Variants in CFAP77 observed in about 807,000 individuals in gnomAD.
CFAP77 encodes cilia- and flagella-associated protein 77.
In CFAP77, 25 loss-of-function variants were observed where a neutral mutation model predicts 31.1. The observed-to-expected ratio is 0.80, with a 90% CI of 0.59 to 1.12. The LOEUF (loss-of-function observed/expected upper bound fraction) is 1.12, where lower values mean the gene tolerates loss of function less well. Among genes scored for constraint, CFAP77 ranks in the 50% most tolerant of loss-of-function variants. The probability of loss-of-function intolerance (pLI) is 0.00; values close to 1 mark genes in which losing one functional copy is unlikely to be tolerated. For synonymous variants in CFAP77, 151 were observed against 159.9 expected (o/e 0.94, Z 0.42); for missense variants, 377 against 397.3 (o/e 0.95, Z 0.44).
In CFAP77 at chr9:132,543,066, C is replaced by T. The variant is rs55720639; in HGVS notation, c.732+19C>T. The T allele has an allele frequency of 0.011, 18,340 of 1,598,736 alleles. 1,848 individuals carry two copies. The African/African-American group carries it at 0.22, about 19-fold the overall frequency. On this transcript the variant is annotated intron_variant, in intron 5 of 5. Transcript: ENST00000393216. ...CCAGAAGGTCAGTGTCACCTTCATC[C>T]ACACCCCTCCCTGCACCTTGCTGGC...
intron 1 of CFAP77, among the ~76,000 whole-genome samples, chr9:132,486,030 A>ATGTATGTGTGTGTG (rs1564223039): frequency 4.5e-5 from 1 of 22,426 alleles, no homozygotes; most frequent in African/African-American, 3.5e-4. Context: ...ATATATATAT[A>ATGTATGTGTGTGTG]TATATATATA....
intron 1 of CFAP77, among the ~76,000 whole-genome samples, chr9:132,419,257 TC>T (rs1850166321): frequency 6.6e-6 from 1 of 151,926 alleles, no homozygotes. Context: ...TGGATCGAAA[TC>T]TTTTGTGTTT....
At chr9:132,548,028 G>A (rs996643179) in intron 5 of CFAP77, among the ~76,000 whole-genome samples, 2 of 152,158 alleles carry the variant, frequency 1.3e-5, no homozygotes, top group African/African-American at 4.8e-5. Flanking sequence ...GCTTATGGCC[G>A]ATGACAATGG....
At chr9:132,553,905 C>T (rs956198023) in intron 5 of CFAP77, among the ~76,000 whole-genome samples, 3 of 152,208 alleles carry the variant, frequency 2.0e-5, no homozygotes, top group African/African-American at 7.2e-5. Flanking sequence ...CGTGAAAATT[C>T]CCTGCTGGAG....
chr9:132,522,735 C>G (rs930491616), intron 3 of CFAP77, among the ~76,000 whole-genome samples: 2 of 152,164 alleles, frequency 1.3e-5, no homozygotes, highest in East Asian at 1.9e-4. Context: ...TGGGTTCTGC[C>G]CATGGCTCCA....
intron 1 of CFAP77, among the ~76,000 whole-genome samples, chr9:132,483,923 G>C (rs1018633329): frequency 3.2e-4 from 49 of 150,794 alleles, no homozygotes; most frequent in African/African-American, 1.1e-3. Flanking sequence ...TCTCCTTCCT[G>C]TGGAGGTATT....
chr9:132,414,225 C>T (rs1398009285), intron 1 of CFAP77, among the ~76,000 whole-genome samples: 1 of 152,182 alleles, frequency 6.6e-6, no homozygotes, highest in Non-Finnish European at 1.5e-5. Flanking sequence ...AAAGTGAGCT[C>T]TACTGATTTC....
rs1006815716 is a variant in CFAP77, at chr9:132,545,966, T to G, written c.732+2919T>G. 4.6e-5 allele frequency among the ~76,000 whole-genome samples: 7 copies of G among 152,218 alleles called. No individual in the cohort carries two copies. The South Asian group carries it at 8.3e-4, about 18-fold the overall frequency. On this transcript the variant is annotated intron_variant, in intron 5 of 5. Transcript: ENST00000393216. This position sits in a 1 kb window ranked among gnomAD's most constrained non-coding sequence, Gnocchi z 4.6. ...CACGGCACTTAACTCTGCAATTAAT[T>G]AACTGGGCAATTTTTTTCATCTTGC...
chr9:132,503,904 TC>T (rs1396051333), intron 3 of CFAP77, among the ~76,000 whole-genome samples: 1 of 151,596 alleles, frequency 6.6e-6, no homozygotes, highest in East Asian at 1.9e-4. Context: ...CAAAAATGAG[TC>T]GGGCGTGGTG....
chr9:132,516,569 CAT>C (rs1289296883), intron 3 of CFAP77, among the ~76,000 whole-genome samples: 1 of 147,378 alleles, frequency 6.8e-6, no homozygotes, highest in Non-Finnish European at 1.5e-5. Flanking sequence ...TAAAACAACA[CAT>C]GATTAAACCA....
At chr9:132,487,929 C>T (rs368334434) in intron 1 of CFAP77, among the ~76,000 whole-genome samples, 20 of 152,052 alleles carry the variant, frequency 1.3e-4, no homozygotes, top group African/African-American at 4.6e-4. Context: ...GCTTTTCATT[C>T]GAGGATCTTA....
chr9:132,512,606 T>C (rs1019688788), intron 3 of CFAP77, among the ~76,000 whole-genome samples: 2 of 152,214 alleles, frequency 1.3e-5, no homozygotes, highest in Non-Finnish European at 2.9e-5. Flanking sequence ...TGTTGGCCCC[T>C]TATGTTTTTG....
intron 1 of CFAP77, among the ~76,000 whole-genome samples, chr9:132,482,971 AAAAG>A (rs1171028209): frequency 6.7e-6 from 1 of 149,146 alleles, no homozygotes; most frequent in Non-Finnish European, 1.5e-5. Context: ...AAAAAAAAAA[AAAAG>A]AACGCACCCT....
chr9:132,520,886 C>T (rs2079282462), intron 3 of CFAP77, among the ~76,000 whole-genome samples: 1 of 152,242 alleles, frequency 6.6e-6, no homozygotes, highest in Admixed American at 6.5e-5. Context: ...GAGGGCCGTG[C>T]TGCCTAGGAG....
At chr9:132,451,687 C>G (rs1316750026) in intron 1 of CFAP77, among the ~76,000 whole-genome samples, 1 of 152,116 alleles carries the variant, frequency 6.6e-6, no homozygotes, top group African/African-American at 2.4e-5. Flanking sequence ...AGGGCCATCA[C>G]TGTTTGCTAC....
intron 1 of CFAP77, among the ~76,000 whole-genome samples, chr9:132,454,892 CCA>C (rs1156633126): frequency 1.3e-5 from 2 of 152,128 alleles, no homozygotes; most frequent in Non-Finnish European, 2.9e-5. Context: ...CCAATTCTCC[CCA>C]CCCAAACCAC....
intron 1 of CFAP77, among the ~76,000 whole-genome samples, chr9:132,443,134 C>T (rs185137938): frequency 4.6e-4 from 70 of 152,168 alleles, no homozygotes; most frequent in African/African-American, 1.6e-3. Context: ...AGTATCAGTA[C>T]GTCATTCCTT....
intron 5 of CFAP77, among the ~76,000 whole-genome samples, chr9:132,556,518 T>C (rs1852907999): frequency 6.6e-6 from 1 of 152,112 alleles, no homozygotes; most frequent in Admixed American, 6.5e-5. Flanking sequence ...CATTCACTCC[T>C]TTCTCAGGCA....
At chr9:132,475,397 G>A (rs545816435) in intron 1 of CFAP77, among the ~76,000 whole-genome samples, 21 of 152,268 alleles carry the variant, frequency 1.4e-4, no homozygotes, top group African/African-American at 5.1e-4. Flanking sequence ...AGGCCCCTTC[G>A]CTAAGGCTGG....
Sources: allele counts gnomAD v4.1 joint callset (sites outside exome capture counted in the v4.1 genomes callset), GRCh38; gene constraint gnomAD v4.1.1; non-coding constraint Gnocchi (gnomAD v3.1); transcripts MANE v1.5; gene names NCBI Gene and HGNC (gene_info 2026-07-23, HGNC 2026-07-21).